SHROOM2: variants seen among roughly 807,000 people sequenced by gnomAD.
SHROOM2 encodes protein Shroom2.
A neutral mutation model predicts 75.9 loss-of-function variants in SHROOM2; 33 were observed. That is an observed-to-expected ratio of 0.43 (90% CI 0.33 to 0.58). The LOEUF (loss-of-function observed/expected upper bound fraction) is 0.58, where lower values mean the gene tolerates loss of function less well. Ranked by LOEUF, SHROOM2 falls within the 20% of genes least tolerant of loss-of-function variation. The pLI is 0.04. For synonymous variants in SHROOM2, 655 were observed against 663.6 expected, an observed-to-expected ratio of 0.99 and a Z score of 0.20; for missense variants, 1,434 against 1,461.2, an observed-to-expected ratio of 0.98 and a Z score of 0.30.
intron 1 of SHROOM2, among the ~76,000 whole-genome samples, chrX:9,859,721 C>T (rs759302031): frequency 9.0e-6 from 1 of 111,414 alleles, no homozygotes; most frequent in African/African-American, 3.3e-5. Flanking sequence ...CCTGTTGTTG[C>T]GGGTGTGTGA....
intron 9 of SHROOM2, among the ~76,000 whole-genome samples, chrX:9,945,450 G>A (rs1569181630): frequency 9.0e-6 from 1 of 111,401 alleles, no homozygotes; most frequent in Admixed American, 9.6e-5. Flanking sequence ...CTTATCAGAT[G>A]CAGGGAGTTG....
chrX:9,834,160 G>A (rs2083931518), intron 1 of SHROOM2, among the ~76,000 whole-genome samples: 1 of 112,090 alleles, frequency 8.9e-6, no homozygotes, highest in Non-Finnish European at 1.9e-5. Context: ...ACAGCAAACG[G>A]GGGTCCATCT....
intron 1 of SHROOM2, among the ~76,000 whole-genome samples, chrX:9,789,232 C>A: frequency 8.9e-6 from 1 of 111,859 alleles, no homozygotes; most frequent in East Asian, 2.8e-4. Context: ...AGTGGCTGTT[C>A]AGAATCAGGA....
chrX:9,917,355 G>C (rs2084499303), intron 5 of SHROOM2, among the ~76,000 whole-genome samples: 1 of 111,705 alleles, frequency 9.0e-6, no homozygotes, highest in Non-Finnish European at 1.9e-5. Flanking sequence ...CTCAAGTTGT[G>C]TGTTTGTTCT....
At chrX:9,912,198 G>GACACACACACACACACACAC (rs57939278) in intron 5 of SHROOM2, among the ~76,000 whole-genome samples, 2 of 16,140 alleles carry the variant, frequency 1.2e-4, no homozygotes, top group Admixed American at 1.3e-3. Context: ...TAAATTACAA[G>GACACACACACACACACACAC]ACACACACAC....
chrX:9,919,555 C>T (rs1246198068), intron 5 of SHROOM2, among the ~76,000 whole-genome samples: 1 of 109,320 alleles, frequency 9.1e-6, no homozygotes, highest in Non-Finnish European at 1.9e-5. Context: ...TGGTCTTGAT[C>T]TCCTGACCTC....
chrX:9,872,638 T>C (rs2084177397), intron 1 of SHROOM2, among the ~76,000 whole-genome samples: 1 of 111,744 alleles, frequency 8.9e-6, no homozygotes, highest in African/African-American at 3.3e-5. Context: ...TCAATACACA[T>C]TGGGAGGATA....
intron 1 of SHROOM2, among the ~76,000 whole-genome samples, chrX:9,840,997 C>T (rs1053092854): frequency 8.0e-5 from 9 of 112,125 alleles, no homozygotes; most frequent in African/African-American, 2.9e-4. Context: ...TGTCATCACC[C>T]AGGCTGGGAG....
chrX:9,820,586 A>G (rs2083848645), intron 1 of SHROOM2, among the ~76,000 whole-genome samples: 1 of 111,695 alleles, frequency 9.0e-6, no homozygotes. Flanking sequence ...GCTGGTCTCA[A>G]ACTCCTGGGC....
chrX:9,832,789 G>T (rs988879943), intron 1 of SHROOM2, among the ~76,000 whole-genome samples: 12 of 111,504 alleles, frequency 1.1e-4, no homozygotes, highest in African/African-American at 3.9e-4. Flanking sequence ...CTTCTCTGAT[G>T]GCCCCTGCTT....
chrX:9,883,125 G>T (rs2084241210), intron 2 of SHROOM2, among the ~76,000 whole-genome samples: 1 of 112,342 alleles, frequency 8.9e-6, no homozygotes, highest in Admixed American at 9.4e-5. Flanking sequence ...CCCACCACGT[G>T]GTTAAAATCA....
At chrX:9,901,296 G>A (rs1466142051) in intron 5 of SHROOM2, among the ~76,000 whole-genome samples, 2 of 111,912 alleles carry the variant, frequency 1.8e-5, no homozygotes, top group East Asian at 2.8e-4. Context: ...GTCACATTCT[G>A]AGATACTAAG....
intron 5 of SHROOM2, among the ~76,000 whole-genome samples, chrX:9,914,199 G>C (rs1327814821): frequency 9.3e-6 from 1 of 107,612 alleles, no homozygotes; most frequent in Admixed American, 1.0e-4. Context: ...CAGAGTGCTA[G>C]GAATAACCAT....
In SHROOM2 at chrX:9,807,002, G is replaced by A. The variant is rs2083756742; in HGVS notation, c.165+20292G>A. Among the ~76,000 whole-genome samples the A allele has an allele frequency of 2.7e-5, 3 of 112,094 alleles. No individual in the cohort carries two copies. In the Admixed American group the frequency reaches 2.8e-4, roughly 11 times the overall value. On this transcript the variant is annotated intron_variant, in intron 1 of 9. Transcript: ENST00000380913. ...GCCTCCCAAAGTGCTGGGATTACAG[G>A]CGTGAGCCACCACGCCTGGCCCAAC...
intron 2 of SHROOM2, among the ~76,000 whole-genome samples, chrX:9,885,364 T>C (rs1176146739): frequency 9.1e-6 from 1 of 109,837 alleles, no homozygotes; most frequent in African/African-American, 3.3e-5. Flanking sequence ...CAGAGCACTC[T>C]GTCCCCAACT....
intron 1 of SHROOM2, among the ~76,000 whole-genome samples, chrX:9,845,008 A>G (rs1601941235): frequency 9.1e-6 from 1 of 110,428 alleles, no homozygotes; most frequent in Middle Eastern, 4.6e-3. Flanking sequence ...GGGAGTTGGC[A>G]AGTGTCTTCT....
At chrX:9,831,872 C>T (rs960636639) in intron 1 of SHROOM2, among the ~76,000 whole-genome samples, 5 of 110,326 alleles carry the variant, frequency 4.5e-5, no homozygotes, top group Non-Finnish European at 9.5e-5. Flanking sequence ...GAGGCTCCAC[C>T]CTCATGACAT....
chrX:9,823,150 T>TCCTTCTCCCTTC (rs2083867640), intron 1 of SHROOM2, among the ~76,000 whole-genome samples: 4 of 45,775 alleles, frequency 8.7e-5, no homozygotes, highest in Admixed American at 3.5e-4. Context: ...CTTCTCCTTC[T>TCCTTCTCCCTTC]TCCTTCTTCT....
rs745819749 is a variant in SHROOM2, at chrX:9,835,031, T to C, written c.166-38621T>C. Among the ~76,000 whole-genome samples the C allele has an allele frequency of 3.5e-5, 4 of 113,077 alleles. No individual in the cohort carries two copies. The East Asian group carries it at 1.1e-3, about 31-fold the overall frequency. On this transcript the variant is annotated intron_variant, in intron 1 of 9. Transcript: ENST00000380913. ...GGGAGTCCCTGTTCATCCTCATTGA[T>C]TCTGATGTCCAGAATCTTACAGAGA...
Sources: gnomAD v4.1 joint callset for allele counts (sites outside exome capture counted in the v4.1 genomes callset) on GRCh38, gnomAD v4.1.1 for gene constraint, MANE v1.5 for transcripts, NCBI Gene and HGNC (gene_info 2026-07-23, HGNC 2026-07-21) for gene names.